The following CYP19A1 variants were observed in gnomAD, a reference collection of about 807,000 sequenced individuals.
CYP19A1 encodes the protein aromatase.
Under a neutral mutation model 44.4 loss-of-function variants are expected in CYP19A1, and 32 were observed. That is an observed-to-expected ratio of 0.72 (90% CI 0.54 to 0.97). The LOEUF is 0.97. Among genes scored for constraint, CYP19A1 ranks in the 50% least tolerant of loss-of-function variants. The probability of loss-of-function intolerance (pLI) is 0.00; values close to 1 mark genes in which losing one functional copy is unlikely to be tolerated. For missense variants in CYP19A1, 598 were observed against 637.8 expected, an observed-to-expected ratio of 0.94 and a Z score of 0.67; for synonymous variants, 212 against 215.6, an observed-to-expected ratio of 0.98 and a Z score of 0.14.
chr15:51,244,452 C>G (rs1319459532), intron 1 of CYP19A1, among the ~76,000 whole-genome samples: 2 of 151,926 alleles, frequency 1.3e-5, no homozygotes, highest in African/African-American at 4.8e-5. Context: ...TTATGTTGAG[C>G]AGTTTTGTGG....
At chr15:51,233,480 T>C (rs367714387) in intron 3 of CYP19A1, among the ~76,000 whole-genome samples, 4 of 152,342 alleles carry the variant, frequency 2.6e-5, no homozygotes, top group East Asian at 3.9e-4. Flanking sequence ...CTGCTATACA[T>C]AGTAAGTTTT....
At chr15:51,320,191 A>G (rs1392159107) in intron 1 of CYP19A1, 1 of 152,230 alleles carries the variant, frequency 6.6e-6, no homozygotes, top group East Asian at 1.9e-4. Context: ...CAGCTGCATC[A>G]TGTGCATACT....
At chr15:51,326,157 C>T (rs2036605519) in intron 1 of CYP19A1, among the ~76,000 whole-genome samples, 2 of 152,064 alleles carry the variant, frequency 1.3e-5, no homozygotes, top group African/African-American at 4.8e-5. Flanking sequence ...TAAGATAATT[C>T]CTGAGTCCTC....
chr15:51,237,157 AAAAC>A (rs2033456485), intron 2 of CYP19A1, 148 bp from the exon 3 acceptor site: 2 of 180,812 alleles, frequency 1.1e-5, no homozygotes, highest in Non-Finnish European at 2.2e-5. Context: ...GATTTGAAAC[AAAAC>A]AAAACAAAAC....
At chr15:51,304,890 C>CATTTTTTTTTTTTTTTTTTT (rs1555398466) in intron 1 of CYP19A1, among the ~76,000 whole-genome samples, 1 of 104,572 alleles carries the variant, frequency 9.6e-6, no homozygotes. Flanking sequence ...GTGTCTCTTC[C>CATTTTTTTTTTTTTTTTTTT]TTTTTTTTTT....
At chr15:51,224,898 CTATT>C (rs1005276740) in intron 4 of CYP19A1, among the ~76,000 whole-genome samples, 4 of 152,186 alleles carry the variant, frequency 2.6e-5, no homozygotes, top group African/African-American at 7.2e-5. Flanking sequence ...TCATGTCTAT[CTATT>C]TGTCTGTGCC....
intron 1 of CYP19A1, among the ~76,000 whole-genome samples, chr15:51,311,981 A>G (rs753943950): frequency 6.6e-6 from 1 of 152,234 alleles, no homozygotes; most frequent in Non-Finnish European, 1.5e-5. Flanking sequence ...AATATTATAT[A>G]TCAAACCCTA....
intron 1 of CYP19A1, among the ~76,000 whole-genome samples, chr15:51,329,689 A>T (rs2036670193): frequency 6.6e-6 from 1 of 152,202 alleles, no homozygotes; most frequent in Admixed American, 6.5e-5. Context: ...TGTGGTCAGG[A>T]AGCAAGATCT....
chr15:51,268,201 C>T (rs1016604231), intron 1 of CYP19A1, among the ~76,000 whole-genome samples: 11 of 152,140 alleles, frequency 7.2e-5, no homozygotes, highest in African/African-American at 2.7e-4. Flanking sequence ...ACTTGTGAAA[C>T]CATTACAAAA....
chr15:51,302,271 G>T (rs2036130776), intron 1 of CYP19A1, among the ~76,000 whole-genome samples: 2 of 152,118 alleles, frequency 1.3e-5, no homozygotes. Context: ...CACTTTTTGG[G>T]GTTTTTCCAT....
At chr15:51,246,992 G>C (rs2141133592) in intron 1 of CYP19A1, among the ~76,000 whole-genome samples, 1 of 152,262 alleles carries the variant, frequency 6.6e-6, no homozygotes, top group Non-Finnish European at 1.5e-5. Flanking sequence ...TCTGAGAGCT[G>C]ACACGTGACC....
chr15:51,297,868 A>ACACC lies in CYP19A1; in HGVS notation c.-39+40626_-39+40627insGGTG, dbSNP rs1173662173. ...CACACACACACACACACACACACACACCCTAGGCCTGATGGGGGCCTAACA... is the reference window on the plus strand; with the variant it reads ...CACACACACACACACACACACACACACACCCCCTAGGCCTGATGGGGGCCTAACA... On this transcript the variant is annotated intron_variant, in intron 1 of 9. Coordinates refer to ENST00000396402, the MANE Select transcript of CYP19A1 (RefSeq NM_000103.4). Among the ~76,000 whole-genome samples the ACACC allele has an allele frequency of 1.9e-4, 28 of 146,792 alleles. No individual in the cohort carries two copies. The East Asian group carries it at 2.0e-3, about 11-fold the overall frequency.
intron 1 of CYP19A1, among the ~76,000 whole-genome samples, chr15:51,306,096 C>T (rs899718206): frequency 3.3e-5 from 5 of 152,098 alleles, no homozygotes; most frequent in Non-Finnish European, 7.4e-5. Context: ...ACTTGAATCC[C>T]CCTGGCAGGG....
At chr15:51,219,621 T>C (rs1376072951) in intron 5 of CYP19A1, among the ~76,000 whole-genome samples, 1 of 152,218 alleles carries the variant, frequency 6.6e-6, no homozygotes, top group Non-Finnish European at 1.5e-5. Context: ...CCATGTCCTT[T>C]TCTCTTTTCT....
At chr15:51,306,379 G>A (rs913582739) in intron 1 of CYP19A1, among the ~76,000 whole-genome samples, 1 of 152,090 alleles carries the variant, frequency 6.6e-6, no homozygotes, top group African/African-American at 2.4e-5. Context: ...TTTTGGAAGG[G>A]TGACAGCAGT....
intron 1 of CYP19A1, among the ~76,000 whole-genome samples, chr15:51,264,378 C>T (rs559049909): frequency 1.3e-5 from 2 of 151,744 alleles, no homozygotes; most frequent in South Asian, 2.1e-4. Context: ...TGGCAGGAGT[C>T]GGGGGGGAGG....
At chr15:51,318,552 A>C (rs530970341) in intron 1 of CYP19A1, 6 of 152,098 alleles carry the variant, frequency 3.9e-5, no homozygotes. Context: ...ATGACCCCAC[A>C]TGGGTCAGGG....
At chr15:51,282,435 T>G (rs2035552168) in intron 1 of CYP19A1, among the ~76,000 whole-genome samples, 1 of 152,226 alleles carries the variant, frequency 6.6e-6, no homozygotes, top group Non-Finnish European at 1.5e-5. Flanking sequence ...TTCCATATGC[T>G]TCAAAGGAAA....
intron 1 of CYP19A1, chr15:51,278,090 G>T (rs1033336836): frequency 6.6e-6 from 1 of 151,648 alleles, no homozygotes; most frequent in Non-Finnish European, 1.5e-5. Context: ...TAAGAACCAG[G>T]TGGCTTTTCT....
Sources: allele counts gnomAD v4.1 joint callset (sites outside exome capture counted in the v4.1 genomes callset), GRCh38; gene constraint gnomAD v4.1.1; transcripts MANE v1.5; gene names NCBI Gene and HGNC (gene_info 2026-07-23, HGNC 2026-07-21).